LPA: variants seen among roughly 807,000 people sequenced by gnomAD.
LPA encodes the protein apolipoprotein(a).
In LPA, 199 loss-of-function variants were observed where a neutral mutation model predicts 197.9. That is an observed-to-expected ratio of 1.01 (90% CI 0.90 to 1.13). The LOEUF is 1.13. LPA is among the 50% of genes most tolerant of loss of function. The pLI, the probability that LPA is intolerant of heterozygous loss-of-function variation, is 0.00. For missense variants in LPA, 1,853 were observed against 1,785.8 expected (o/e 1.04, Z -0.68); for synonymous variants, 715 against 639.5 (o/e 1.12, Z -1.78).
At chr6:160,593,126 G>A (rs1398532821) in intron 22 of LPA, among the ~76,000 whole-genome samples, 7 of 152,240 alleles carry the variant, frequency 4.6e-5, no homozygotes, top group African/African-American at 1.7e-4. Context: ...TCAGATGCCT[G>A]AGGCATCACA....
intron 30 of LPA, among the ~76,000 whole-genome samples, chr6:160,553,935 C>CTGTGTGTGTGTG (rs1294838247): frequency 2.1e-4 from 15 of 70,858 alleles, no homozygotes; most frequent in Middle Eastern, 5.9e-3. Context: ...CTCTCTCTCT[C>CTGTGTGTGTGTG]TCTGTGTGTG....
chr6:160,604,382 T>C (rs991310206), intron 18 of LPA, among the ~76,000 whole-genome samples: 1 of 152,186 alleles, frequency 6.6e-6, no homozygotes, highest in African/African-American at 2.4e-5. Context: ...GAAACCATTT[T>C]TCCATGTCTT....
At chr6:160,566,664 G>A (rs1468926759) in intron 28 of LPA, among the ~76,000 whole-genome samples, 1 of 152,122 alleles carries the variant, frequency 6.6e-6, no homozygotes, top group Non-Finnish European at 1.5e-5. Flanking sequence ...ATGTAAATGG[G>A]CTAAATGCTC....
intron 28 of LPA, among the ~76,000 whole-genome samples, chr6:160,564,991 G>A (rs1778426003): frequency 6.6e-6 from 1 of 152,208 alleles, no homozygotes; most frequent in South Asian, 2.1e-4. Flanking sequence ...GTCTGCCATT[G>A]CTGAGACTTG....
intron 37 of LPA, among the ~76,000 whole-genome samples, chr6:160,536,863 G>C (rs1490951470): frequency 6.6e-6 from 1 of 152,180 alleles, no homozygotes; most frequent in Non-Finnish European, 1.5e-5. Flanking sequence ...ATCTAAACCT[G>C]TGGTTTTTAA....
At chr6:160,542,107 A>C (rs1777990360) in intron 34 of LPA, among the ~76,000 whole-genome samples, 1 of 152,154 alleles carries the variant, frequency 6.6e-6, no homozygotes, top group Non-Finnish European at 1.5e-5. Context: ...GAACTTACGA[A>C]TTGCATGTTC....
intron 22 of LPA, among the ~76,000 whole-genome samples, chr6:160,593,269 T>A (rs1480419712): frequency 6.6e-6 from 1 of 152,200 alleles, no homozygotes; most frequent in African/African-American, 2.4e-5. Flanking sequence ...CCTTTCTGAA[T>A]TTTCTCAGGC....
rs748878734 is a variant in LPA at position 160,532,657 on chromosome 6, T to TA, written c.5843-9dup. On this transcript the variant is annotated splice_polypyrimidine_tract_variant and intron_variant, in intron 37 of 38. Coordinates refer to ENST00000316300, the MANE Select transcript of LPA (RefSeq NM_005577.4). ...GGCCAGTCCCAAAGGTACCTGTGTT[T>TA]AAAAAGATGAAAGAAATGGTTACTG... is the stretch of plus-strand genomic sequence containing the variant. 6 of 1,555,830 alleles carry TA rather than the reference T, an allele frequency of 3.9e-6. No homozygotes were observed. In the African/African-American group the frequency reaches 6.8e-5, roughly 18 times the overall value.
intron 28 of LPA, among the ~76,000 whole-genome samples, chr6:160,572,232 G>A (rs1038522099): frequency 1.3e-5 from 2 of 152,152 alleles, no homozygotes; most frequent in African/African-American, 4.8e-5. Context: ...CCAATGAGAT[G>A]AGCCGGGTAC....
At chr6:160,547,333 A>G (rs1778088402) in intron 32 of LPA, among the ~76,000 whole-genome samples, 1 of 152,178 alleles carries the variant, frequency 6.6e-6, no homozygotes, top group Non-Finnish European at 1.5e-5. Context: ...GGTTTGTGCT[A>G]TGATAATCTA....
intron 28 of LPA, among the ~76,000 whole-genome samples, chr6:160,576,707 T>C (rs9365176): frequency 0.19 from 27,139 of 142,380 alleles, 3,136 homozygotes; most frequent in East Asian, 0.4. Context: ...TATATATATA[T>C]ATATATATAT....
At chr6:160,659,225 C>A (rs1261831821) in intron 1 of LPA, among the ~76,000 whole-genome samples, 6 of 152,188 alleles carry the variant, frequency 3.9e-5, no homozygotes, top group Non-Finnish European at 8.8e-5. Context: ...GCAGCAGGGG[C>A]AGGGGCCTCA....
chr6:160,567,257 C>T (rs1317832459), intron 28 of LPA, among the ~76,000 whole-genome samples: 2 of 152,202 alleles, frequency 1.3e-5, no homozygotes, highest in Non-Finnish European at 2.9e-5. Flanking sequence ...AGGCATTCCT[C>T]AGCAAATGTA....
At chr6:160,662,558 G>A (rs1780244636) in intron 1 of LPA, among the ~76,000 whole-genome samples, 1 of 152,084 alleles carries the variant, frequency 6.6e-6, no homozygotes, top group Non-Finnish European at 1.5e-5. Flanking sequence ...AGAGAAGTTT[G>A]TTCTAGCCTT....
At position 160,576,418 on chromosome 6, in the gene LPA, G is replaced by A. The variant is rs187324520; in HGVS notation, c.4631+718C>T. Among the ~76,000 whole-genome samples the A allele has an allele frequency of 4.3e-3, 106 of 24,940 alleles. 1 individual carries two copies. The highest frequency in any genetic ancestry group is 0.013 in the Admixed American group (30 of 2,288). 16.4% of individuals were successfully genotyped at this position (24,940 alleles called of 152,430 possible). ...TATATATATATATATATATATATGG[G>A]TATATATATATATACACACATGCAC... is the stretch of plus-strand genomic sequence containing the variant. On this transcript the variant is annotated intron_variant, in intron 28 of 38. Coordinates refer to ENST00000316300, the MANE Select transcript of LPA (RefSeq NM_005577.4).
intron 37 of LPA, among the ~76,000 whole-genome samples, chr6:160,537,149 C>T (rs1160547293): frequency 6.6e-6 from 1 of 152,168 alleles, no homozygotes; most frequent in Non-Finnish European, 1.5e-5. Context: ...GGGGGTAAGG[C>T]TGACGGATAT....
chr6:160,610,021 T>C (rs1309259372), intron 16 of LPA, among the ~76,000 whole-genome samples: 2 of 152,220 alleles, frequency 1.3e-5, no homozygotes, highest in Non-Finnish European at 2.9e-5. Flanking sequence ...ATATGATACC[T>C]GCTTTGTTGC....
rs527405237 is a variant in LPA at position 160,535,882 on chromosome 6, C to A, written c.5842+1973G>T. Among the ~76,000 whole-genome samples, 19 of 152,290 alleles carry A rather than the reference C, an allele frequency of 1.2e-4. No homozygotes were observed. The South Asian group carries it at 3.9e-3, about 32-fold the overall frequency. On this transcript the variant is annotated intron_variant, in intron 37 of 38. Coordinates refer to ENST00000316300, the MANE Select transcript of LPA (RefSeq NM_005577.4). ...AGATCCTTATGATTTTAGCTTCATG[C>A]TTTCATCAGTTGAGGTATCATAGAG...
chr6:160,585,328 C>A (rs1000313806), intron 25 of LPA, 123 bp from the exon 26 acceptor site: 14 of 894,742 alleles, frequency 1.6e-5, no homozygotes, highest in Non-Finnish European at 2.6e-5. Flanking sequence ...TATTAGCATG[C>A]AAATTGAAAT....
Sources: gnomAD v4.1 joint callset for allele counts (sites outside exome capture counted in the v4.1 genomes callset) on GRCh38, gnomAD v4.1.1 for gene constraint, MANE v1.5 for transcripts, NCBI Gene and HGNC (gene_info 2026-07-23, HGNC 2026-07-21) for gene names.